SYT1: variants seen among roughly 807,000 people sequenced by gnomAD.
SYT1 encodes synaptotagmin-1.
A neutral mutation model predicts 44.8 loss-of-function variants in SYT1; 8 were observed. The observed-to-expected ratio is 0.18, with a 90% CI of 0.10 to 0.32. The LOEUF is 0.32. Among genes scored for constraint, SYT1 ranks in the 10% least tolerant of loss-of-function variants. SYT1 has a pLI of 1.00. For missense variants in SYT1, 286 were observed against 509.3 expected, an observed-to-expected ratio of 0.56 and a Z score of 4.22; for synonymous variants, 154 against 188.8, an observed-to-expected ratio of 0.82 and a Z score of 1.51.
intron 8 of SYT1, among the ~76,000 whole-genome samples, chr12:79,337,524 A>C (rs907883427): frequency 4.6e-5 from 7 of 152,218 alleles, no homozygotes; most frequent in African/African-American, 1.7e-4. Flanking sequence ...GTAGCTACAG[A>C]GTGACAGAAC....
intron 9 of SYT1, among the ~76,000 whole-genome samples, chr12:79,428,068 T>C (rs1214639146): frequency 6.6e-6 from 1 of 152,168 alleles, no homozygotes; most frequent in Non-Finnish European, 1.5e-5. Context: ...TGTGGAGTGA[T>C]AACTTTTAGT....
chr12:78,966,296 A>T (rs894384313), intron 1 of SYT1, among the ~76,000 whole-genome samples: 4 of 151,502 alleles, frequency 2.6e-5, no homozygotes, highest in Non-Finnish European at 5.9e-5. Context: ...ATTTGTTATT[A>T]TTTGAATCGT....
intron 2 of SYT1, among the ~76,000 whole-genome samples, chr12:78,998,621 T>C (rs994811045): frequency 3.9e-5 from 6 of 152,134 alleles, no homozygotes; most frequent in Non-Finnish European, 8.8e-5. Flanking sequence ...GTAGAATTAG[T>C]AGTGTTTAAG....
At chr12:79,412,718 A>C (rs756283075) in intron 9 of SYT1, among the ~76,000 whole-genome samples, 25 of 152,208 alleles carry the variant, frequency 1.6e-4, no homozygotes, top group Non-Finnish European at 2.9e-4. Flanking sequence ...TTACTTTTAG[A>C]AGATAGTTTT....
chr12:78,886,753 GC>G (rs1482013154), intron 1 of SYT1, among the ~76,000 whole-genome samples: 1 of 151,924 alleles, frequency 6.6e-6, no homozygotes, highest in East Asian at 1.9e-4. Flanking sequence ...CCCACAAAAT[GC>G]TTTTGGAGAA....
At chr12:79,114,410 C>A (rs1267681515) in intron 3 of SYT1, among the ~76,000 whole-genome samples, 2 of 152,142 alleles carry the variant, frequency 1.3e-5, no homozygotes, top group African/African-American at 4.8e-5. Context: ...ACACCTCTTA[C>A]AAGCTTTACC....
rs765977954 is a variant in SYT1 at position 79,217,573 on chromosome 12, C to T, written c.54C>T (p.Val18=). The T allele has an allele frequency of 4.3e-6, 7 of 1,612,290 alleles. No homozygotes were observed. In the East Asian group the frequency reaches 6.7e-5, roughly 15 times the overall value. Residue 18 remains valine (V), a synonymous_variant, in exon 4 of 11, where the codon GTC becomes GTT. Transcript: ENST00000261205. ...EALAAPPVTT[V]ATVLPSNATE... is the part of the protein sequence containing the mutation. The stretch of plus-strand genomic sequence containing the variant: ...TGGCAGCCCCGCCTGTCACCACTGT[C>T]GCGACTGTTCTGCCAAGCAACGCCA...
At chr12:79,316,791 C>T (rs1008619484) in intron 8 of SYT1, among the ~76,000 whole-genome samples, 1 of 152,108 alleles carries the variant, frequency 6.6e-6, no homozygotes, top group East Asian at 1.9e-4. Context: ...TTACCTGTTT[C>T]GTTGTCTCGA....
chr12:79,260,805 AT>A (rs11376724), intron 4 of SYT1, among the ~76,000 whole-genome samples: 80 of 149,698 alleles, frequency 5.3e-4, no homozygotes, highest in African/African-American at 1.1e-3. Flanking sequence ...GAAATCTCAT[AT>A]TTTTTTTTTT....
Position 79,245,486 on chromosome 12 carries a change from A to G in SYT1, c.166+27801A>G, listed in dbSNP as rs546325815. Among the ~76,000 whole-genome samples the G allele has an allele frequency of 4.0e-5, 6 of 148,780 alleles. 1 individual carries two copies. Among genetic ancestry groups the G allele is most frequent in the Middle Eastern group, 3.4e-3 (1 of 290 alleles). On this transcript the variant is annotated intron_variant, in intron 4 of 10. Transcript: ENST00000261205. Reference sequence around the variant, plus strand: ...AGACTCCGTCAACAAAAAAAAAAAAAAAAGAAAAGAAAAAAGAAAAAAAAA... The same window carrying G: ...AGACTCCGTCAACAAAAAAAAAAAAGAAAGAAAAGAAAAAAGAAAAAAAAA...
At chr12:79,353,475 C>A in intron 8 of SYT1, 27 bp from the exon 9 acceptor site, 1 of 1,511,860 alleles carries the variant, frequency 6.6e-7, no homozygotes. Flanking sequence ...TGAAAAATTG[C>A]TAATACTTTC....
chr12:78,866,565 CA>C (rs1306225627), intron 1 of SYT1, among the ~76,000 whole-genome samples: 63 of 152,142 alleles, frequency 4.1e-4, no homozygotes, highest in Non-Finnish European at 8.2e-4. Context: ...TCTCTAATTC[CA>C]TCATTGGGGA....
At chr12:79,298,685 C>T (rs1879989868) in intron 7 of SYT1, among the ~76,000 whole-genome samples, 3 of 152,136 alleles carry the variant, frequency 2.0e-5, no homozygotes, top group Admixed American at 2.0e-4. Flanking sequence ...TATATTTGAA[C>T]AGCTGGAGAA....
At chr12:78,905,205 G>A (rs755120410) in intron 1 of SYT1, among the ~76,000 whole-genome samples, 10 of 152,182 alleles carry the variant, frequency 6.6e-5, no homozygotes, top group Non-Finnish European at 1.2e-4. Flanking sequence ...ATGTTGCCAT[G>A]ATTTTAAAGA....
intron 9 of SYT1, among the ~76,000 whole-genome samples, chr12:79,405,727 G>T (rs1291718968): frequency 6.6e-6 from 1 of 152,088 alleles, no homozygotes; most frequent in Non-Finnish European, 1.5e-5. Flanking sequence ...GCAACCTTTG[G>T]TTTGCCTACT....
At chr12:78,897,273 T>G (rs1273727101) in intron 1 of SYT1, among the ~76,000 whole-genome samples, 1 of 151,946 alleles carries the variant, frequency 6.6e-6, no homozygotes, top group Non-Finnish European at 1.5e-5. Context: ...CAGGATACTT[T>G]TAATGATTTT....
At chr12:79,201,615 T>C (rs903130616) in intron 3 of SYT1, among the ~76,000 whole-genome samples, 3 of 152,192 alleles carry the variant, frequency 2.0e-5, no homozygotes, top group Non-Finnish European at 4.4e-5. Context: ...TGTTTAGTAC[T>C]GCGTATCTAA....
At chr12:79,358,811 T>C (rs1352341137) in intron 9 of SYT1, among the ~76,000 whole-genome samples, 3 of 152,054 alleles carry the variant, frequency 2.0e-5, no homozygotes, top group Non-Finnish European at 4.4e-5. Context: ...AGACTAGAAA[T>C]GGAGTCTTCA....
intron 3 of SYT1, among the ~76,000 whole-genome samples, chr12:79,117,614 C>CAGG (rs1879345730): frequency 7.1e-6 from 1 of 141,540 alleles, no homozygotes; most frequent in African/African-American, 2.6e-5. Context: ...GCCTCTACCA[C>CAGG]AGGACAGATC....
Sources: gnomAD v4.1 joint callset for allele counts (sites outside exome capture counted in the v4.1 genomes callset) on GRCh38, gnomAD v4.1.1 for gene constraint, MANE v1.5 for transcripts, NCBI Gene and HGNC (gene_info 2026-07-23, HGNC 2026-07-21) for gene names.